MED12L: variants seen among roughly 807,000 people sequenced by gnomAD.
The protein encoded by MED12L is mediator of RNA polymerase II transcription subunit 12-like protein.
A neutral mutation model predicts 281.3 loss-of-function variants in MED12L; 60 were observed. That is an observed-to-expected ratio of 0.21 (90% CI 0.17 to 0.26). MED12L has a LOEUF of 0.26. MED12L is among the 10% of genes least tolerant of loss of function. The pLI, the probability that MED12L is intolerant of heterozygous loss-of-function variation, is 1.00. For missense variants in MED12L, 2,146 were observed against 2,680.9 expected (o/e 0.80, Z 4.41); for synonymous variants, 974 against 987.2 (o/e 0.99, Z 0.25).
chr3:151,267,827 A>G (rs6807308), intron 16 of MED12L, among the ~76,000 whole-genome samples: 70,682 of 151,986 alleles, frequency 0.47, 16,619 homozygotes, highest in Middle Eastern at 0.66. Context: ...AACATGGAGC[A>G]TGTTTTGGCT....
rs534117487 is a variant in MED12L at position 151,131,582 on chromosome 3, G to A, written c.556+3598G>A. 1.5e-4 allele frequency among the ~76,000 whole-genome samples: 23 copies of A among 152,232 alleles called. No individual in the cohort carries two copies. The South Asian group carries it at 3.9e-3, about 26-fold the overall frequency. On this transcript the variant is annotated intron_variant, in intron 5 of 44. Transcript: ENST00000687756. ...GGATTGAGCCACTGCACTCCAGCCT[G>A]GGCAACAGAGAGAGACCCTCTCCCT...
intron 16 of MED12L, among the ~76,000 whole-genome samples, chr3:151,246,468 A>ATG (rs1735507795): frequency 2.0e-5 from 3 of 152,094 alleles, no homozygotes; most frequent in Non-Finnish European, 2.9e-5. Context: ...ATAACGCCGC[A>ATG]TATCTACAAC....
chr3:151,178,019 G>T (rs891275436), intron 11 of MED12L, among the ~76,000 whole-genome samples: 16 of 151,894 alleles, frequency 1.1e-4, no homozygotes, highest in African/African-American at 3.6e-4. Context: ...AGCTAGGGAG[G>T]CATGCTTACA....
chr3:151,249,620 C>T (rs1057340686), intron 16 of MED12L, among the ~76,000 whole-genome samples: 1 of 152,134 alleles, frequency 6.6e-6, no homozygotes, highest in Admixed American at 6.5e-5. Flanking sequence ...ATGCCAGTAC[C>T]TCTTCTACTC....
intron 5 of MED12L, among the ~76,000 whole-genome samples, chr3:151,144,413 A>T (rs1717480881): frequency 6.6e-6 from 1 of 152,210 alleles, no homozygotes; most frequent in Non-Finnish European, 1.5e-5. Flanking sequence ...GCAACCTCAC[A>T]GGAAGAAAGA....
chr3:151,338,673 T>C, intron 16 of MED12L: 2 of 1,613,724 alleles, frequency 1.2e-6, no homozygotes, highest in Non-Finnish European at 1.7e-6. Flanking sequence ...AATAATAAAG[T>C]TTGATTTACT....
rs200563860 is a variant in MED12L at position 151,382,702 on chromosome 3, C to T, written c.4637C>T (p.Ala1546Val). ...REERYQDDIKARQMMHEALQL... is the reference protein window; with the variant it reads ...REERYQDDIKVRQMMHEALQL... Reference sequence around the variant, plus strand: ...GAACGATACCAAGATGACATAAAAGCGCGGCAGATGATGCACGAAGCATTG... The same window carrying T: ...GAACGATACCAAGATGACATAAAAGTGCGGCAGATGATGCACGAAGCATTG... The change falls in exon 33 of 45, where the codon GCG becomes GTG. Residue 1546 changes from alanine to valine, a missense_variant. This residue lies in a region of MED12L where 212 missense variants were observed against 340.8 expected (regional missense o/e 0.62). Coordinates refer to ENST00000687756, the MANE Select transcript of MED12L (RefSeq NM_001393769.1). The T allele has an allele frequency of 2.0e-5, 32 of 1,611,716 alleles. No individual in the cohort carries two copies. The highest frequency in any genetic ancestry group is 2.5e-5 in the Non-Finnish European group (30 of 1,178,942).
At chr3:151,285,842 G>T (rs1743426475) in intron 16 of MED12L, among the ~76,000 whole-genome samples, 1 of 152,164 alleles carries the variant, frequency 6.6e-6, no homozygotes, top group Non-Finnish European at 1.5e-5. Flanking sequence ...CTTCCGCCAT[G>T]TAAGGACACA....
At chr3:151,117,557 C>A (rs1560063838) in intron 3 of MED12L, among the ~76,000 whole-genome samples, 1 of 152,064 alleles carries the variant, frequency 6.6e-6, no homozygotes, top group Non-Finnish European at 1.5e-5. Context: ...AAGTGAGAAC[C>A]CTGGCTCTTA....
chr3:151,202,568 G>A (rs1263375955), intron 16 of MED12L, among the ~76,000 whole-genome samples: 2 of 152,340 alleles, frequency 1.3e-5, no homozygotes, highest in East Asian at 1.9e-4. Context: ...TACTCGGGAG[G>A]CTGAGGCAGG....
chr3:151,236,922 C>T (rs1179207899), intron 16 of MED12L, among the ~76,000 whole-genome samples: 4 of 151,784 alleles, frequency 2.6e-5, no homozygotes, highest in Non-Finnish European at 2.9e-5. Flanking sequence ...TGAGTCATGC[C>T]GAGATGCATA....
At chr3:151,257,004 T>A (rs535634476) in intron 16 of MED12L, among the ~76,000 whole-genome samples, 3 of 152,328 alleles carry the variant, frequency 2.0e-5, no homozygotes, top group African/African-American at 7.2e-5. Flanking sequence ...TACTTAACCC[T>A]GTATTAGAAG....
At chr3:151,213,761 C>T in intron 16 of MED12L, 1 of 1,614,144 alleles carries the variant, frequency 6.2e-7, no homozygotes, top group Non-Finnish European at 8.5e-7. Flanking sequence ...TAGTTTGATG[C>T]TTTGTGCCAC....
intron 16 of MED12L, among the ~76,000 whole-genome samples, chr3:151,259,681 T>C (rs9835328): frequency 0.51 from 77,228 of 152,024 alleles, 19,825 homozygotes; most frequent in East Asian, 0.62. Flanking sequence ...TGAATGCTAC[T>C]ATGTGCAAAT....
At chr3:151,369,290 T>C in intron 25 of MED12L, 146 bp from the exon 26 acceptor site, 1 of 504,500 alleles carries the variant, frequency 2.0e-6, no homozygotes, top group Non-Finnish European at 3.6e-6. Flanking sequence ...CCATGTTTCT[T>C]AGTGAATCCA....
chr3:151,210,966 T>C (rs1727069503), intron 16 of MED12L, among the ~76,000 whole-genome samples: 1 of 152,220 alleles, frequency 6.6e-6, no homozygotes, highest in Non-Finnish European at 1.5e-5. Flanking sequence ...GCCTGCACTA[T>C]AGCTTTATCT....
At chr3:151,430,912 C>T (rs1166163862) in intron 44 of MED12L, among the ~76,000 whole-genome samples, 1 of 151,202 alleles carries the variant, frequency 6.6e-6, no homozygotes, top group African/African-American at 2.4e-5. Flanking sequence ...CCCTAGTAAT[C>T]TTGCCTGTAG....
chr3:151,258,655 G>C (rs1738274465), intron 16 of MED12L, among the ~76,000 whole-genome samples: 1 of 151,922 alleles, frequency 6.6e-6, no homozygotes, highest in African/African-American at 2.4e-5. Context: ...TAAGAGTCCA[G>C]CCTGATCAAC....
rs1213573069 is a variant in MED12L at position 151,435,916 on chromosome 3, C to T, written c.*3112C>T. On this transcript the variant is annotated 3_prime_UTR_variant, in exon 45 of 45. Coordinates refer to ENST00000687756, the MANE Select transcript of MED12L (RefSeq NM_001393769.1). ...TGCTTATAGAGCAACGATTCCTGCTCAGAAAAATTTCCTTATAAACAGCTC... is the reference window on the plus strand; with the variant it reads ...TGCTTATAGAGCAACGATTCCTGCTTAGAAAAATTTCCTTATAAACAGCTC... 1 of 152,122 alleles carries T rather than the reference C, an allele frequency of 6.6e-6. No individual in the cohort carries two copies. Among genetic ancestry groups the T allele is most frequent in the Non-Finnish European group, 1.5e-5 (1 of 68,018 alleles). 9.4% of individuals were successfully genotyped at this position (152,122 alleles called of 1,614,324 possible).
Sources: allele counts gnomAD v4.1 joint callset (sites outside exome capture counted in the v4.1 genomes callset), GRCh38; gene constraint gnomAD v4.1.1; regional missense constraint gnomAD v4.1.1; transcripts MANE v1.5; gene names NCBI Gene and HGNC (gene_info 2026-07-23, HGNC 2026-07-21).